The following CFAP20DC variants were observed in gnomAD, a reference collection of about 807,000 sequenced individuals.
The protein encoded by CFAP20DC is CFAP20 domain containing.
CFAP20DC carries 84 observed loss-of-function variants against 101.7 expected under a neutral mutation model. That is an observed-to-expected ratio of 0.83 (90% CI 0.69 to 0.99). The LOEUF is 0.99. Among genes scored for constraint, CFAP20DC ranks in the 50% least tolerant of loss-of-function variants. The probability of loss-of-function intolerance (pLI) is 0.00; values close to 1 mark genes in which losing one functional copy is unlikely to be tolerated. For synonymous variants in CFAP20DC, 359 were observed against 351.2 expected, an observed-to-expected ratio of 1.02 and a Z score of -0.25; for missense variants, 1,007 against 970.3, an observed-to-expected ratio of 1.04 and a Z score of -0.50.
rs145959210 is a variant in CFAP20DC, at chr3:58,801,558, T to C, written c.2237+4837A>G. Among the ~76,000 whole-genome samples the C allele has an allele frequency of 3.6e-3, 548 of 152,030 alleles. 11 individuals are homozygous for C. Among genetic ancestry groups the C allele is most frequent in the Admixed American group, 0.034 (511 of 15,248 alleles). On this transcript the variant is annotated intron_variant, in intron 15 of 16. Transcript: ENST00000482387. ...TTTATACATTTTCTCTCTTTTGTGATGGGAAACTAAAAAGCTTAATCAATA... is the reference window on the plus strand; with the variant it reads ...TTTATACATTTTCTCTCTTTTGTGACGGGAAACTAAAAAGCTTAATCAATA...
rs1237846450 is a variant in CFAP20DC at position 58,795,796 on chromosome 3, C to A, written c.2237+10599G>T. Among the ~76,000 whole-genome samples the A allele has an allele frequency of 1.3e-5, 2 of 152,140 alleles. No homozygotes were observed. Among genetic ancestry groups the A allele is most frequent in the African/African-American group, 2.4e-5 (1 of 41,416 alleles). ...AAGTTTATAATTTTCGAAAACATGA[C>A]AATAACTGAAAATTAATTAGTATTT... is the stretch of plus-strand genomic sequence containing the variant. On this transcript the variant is annotated intron_variant, in intron 15 of 16. Coordinates refer to ENST00000482387, the MANE Select transcript of CFAP20DC (RefSeq NM_001394063.1). The surrounding 1 kb of genome is among the most constrained non-coding windows in gnomAD (Gnocchi z 4.2).
At chr3:58,994,649 T>G (rs1576631834) in intron 4 of CFAP20DC, among the ~76,000 whole-genome samples, 1 of 152,300 alleles carries the variant, frequency 6.6e-6, no homozygotes, top group East Asian at 1.9e-4. Flanking sequence ...TTTTATGCAT[T>G]TCTAGACACC....
intron 5 of CFAP20DC, among the ~76,000 whole-genome samples, chr3:58,920,867 T>C (rs547063518): frequency 6.6e-6 from 1 of 152,338 alleles, no homozygotes; most frequent in Admixed American, 6.5e-5. Context: ...GTTGGTATTA[T>C]TACTTCCTTA....
intron 14 of CFAP20DC, among the ~76,000 whole-genome samples, chr3:58,813,681 T>C (rs1040991641): frequency 8.6e-5 from 13 of 152,042 alleles, no homozygotes; most frequent in South Asian, 2.1e-4. Context: ...CTCTATAAAT[T>C]ATCTCTTGGA....
chr3:58,867,385 C>G (rs115975823), intron 10 of CFAP20DC, among the ~76,000 whole-genome samples: 1 of 152,234 alleles, frequency 6.6e-6, no homozygotes, highest in African/African-American at 2.4e-5. Flanking sequence ...TAGAGTATAA[C>G]ATATGGTGAA....
At chr3:58,760,671 T>C (rs1482249487) in intron 15 of CFAP20DC, among the ~76,000 whole-genome samples, 9 of 152,282 alleles carry the variant, frequency 5.9e-5, no homozygotes, top group East Asian at 3.9e-4. Flanking sequence ...GGCTGTGGGA[T>C]TGTCATAAAT....
chr3:58,767,521 A>G (rs934620956), intron 15 of CFAP20DC, among the ~76,000 whole-genome samples: 2 of 152,218 alleles, frequency 1.3e-5, no homozygotes. Context: ...ATCTTAAAAT[A>G]TAAGTTGGGA....
intron 14 of CFAP20DC, among the ~76,000 whole-genome samples, chr3:58,822,952 T>C (rs2075790196): frequency 1.3e-5 from 2 of 152,190 alleles, no homozygotes; most frequent in South Asian, 4.1e-4. Context: ...TCCTTATCTC[T>C]GAAGACACAG....
At chr3:58,888,789 T>C (rs1302098488) in intron 6 of CFAP20DC, among the ~76,000 whole-genome samples, 2 of 152,218 alleles carry the variant, frequency 1.3e-5, no homozygotes, top group Admixed American at 6.5e-5. Context: ...CGTGCATGTA[T>C]CCTTATAGTA....
At chr3:58,884,784 T>G in intron 6 of CFAP20DC, 75 bp from the exon 7 acceptor site, 1 of 1,224,902 alleles carries the variant, frequency 8.2e-7, no homozygotes, top group Non-Finnish European at 1.2e-6. Flanking sequence ...ATAAATGAAA[T>G]CAATTAAAAT....
At chr3:58,773,718 C>T (rs990683962) in intron 15 of CFAP20DC, among the ~76,000 whole-genome samples, 10 of 152,066 alleles carry the variant, frequency 6.6e-5, no homozygotes, top group African/African-American at 1.9e-4. Context: ...CAAGTAGGTG[C>T]TAACTTTTTA....
chr3:58,812,358 T>A (rs1410937714), intron 14 of CFAP20DC, among the ~76,000 whole-genome samples: 1 of 152,070 alleles, frequency 6.6e-6, no homozygotes, highest in Admixed American at 6.6e-5. Context: ...ATAAACACCA[T>A]GGAATACTAT....
At chr3:58,940,248 G>T (rs866194293) in intron 4 of CFAP20DC, among the ~76,000 whole-genome samples, 7 of 152,274 alleles carry the variant, frequency 4.6e-5, no homozygotes, top group Middle Eastern at 3.4e-3. Flanking sequence ...AAAAGACAAG[G>T]TTCCTATCCT....
At position 58,795,228 on chromosome 3, in the gene CFAP20DC, T is replaced by C. The variant is rs2107657045; in HGVS notation, c.2237+11167A>G. Reference sequence around the variant, plus strand: ...GAATGGTAAATAATTGCTTTGGTAATTACCTTCTTTAACTGGATTGTGGGC... The same window carrying C: ...GAATGGTAAATAATTGCTTTGGTAACTACCTTCTTTAACTGGATTGTGGGC... On this transcript the variant is annotated intron_variant, in intron 15 of 16. Transcript: ENST00000482387. This position sits in a 1 kb window ranked among gnomAD's most constrained non-coding sequence, Gnocchi z 4.2. Among the ~76,000 whole-genome samples, 1 of 152,354 alleles carries C rather than the reference T, an allele frequency of 6.6e-6. No individual in the cohort carries two copies. Among genetic ancestry groups the C allele is most frequent in the South Asian group, 2.1e-4 (1 of 4,830 alleles).
intron 15 of CFAP20DC, among the ~76,000 whole-genome samples, chr3:58,791,418 A>C (rs2072843384): frequency 6.6e-6 from 1 of 152,184 alleles, no homozygotes; most frequent in Non-Finnish European, 1.5e-5. Context: ...TAATGTCATA[A>C]GGATATAAAC....
At chr3:59,020,711 C>T (rs2093786045) in intron 4 of CFAP20DC, among the ~76,000 whole-genome samples, 1 of 152,024 alleles carries the variant, frequency 6.6e-6, no homozygotes, top group Admixed American at 6.6e-5. Context: ...ATGTGCCACA[C>T]ATATATGAGG....
At chr3:58,970,881 T>C (rs2091908180) in intron 4 of CFAP20DC, among the ~76,000 whole-genome samples, 1 of 152,164 alleles carries the variant, frequency 6.6e-6, no homozygotes, top group African/African-American at 2.4e-5. Flanking sequence ...TCCCTTTCTT[T>C]AAGATCATCT....
chr3:58,809,936 T>A (rs1051799796), intron 14 of CFAP20DC, among the ~76,000 whole-genome samples: 40 of 152,078 alleles, frequency 2.6e-4, no homozygotes, highest in African/African-American at 9.2e-4. Flanking sequence ...TCCACGCAAA[T>A]AAACTAGAAA....
chr3:58,796,281 C>T (rs916943798), intron 15 of CFAP20DC, among the ~76,000 whole-genome samples: 7 of 152,148 alleles, frequency 4.6e-5, no homozygotes, highest in Non-Finnish European at 1.0e-4. Flanking sequence ...GCTGGGTCTC[C>T]TGGAACCCAT....
Sources: gnomAD v4.1 joint callset for allele counts (sites outside exome capture counted in the v4.1 genomes callset) on GRCh38, gnomAD v4.1.1 for gene constraint, Gnocchi (gnomAD v3.1) non-coding constraint, MANE v1.5 for transcripts, NCBI Gene and HGNC (gene_info 2026-07-23, HGNC 2026-07-21) for gene names.